RNF20: variants seen among roughly 807,000 people sequenced by gnomAD.
RNF20 encodes E3 ubiquitin-protein ligase BRE1A.
Under a neutral mutation model 126.2 loss-of-function variants are expected in RNF20, and 84 were observed. That is an observed-to-expected ratio of 0.67 (90% CI 0.56 to 0.80). RNF20 has a LOEUF of 0.80. Ranked by LOEUF, RNF20 falls within the 30% of genes least tolerant of loss-of-function variation. RNF20 has a pLI of 0.00. For missense variants in RNF20, 869 were observed against 1,188.2 expected, an observed-to-expected ratio of 0.73 and a Z score of 3.95; for synonymous variants, 400 against 414.3, an observed-to-expected ratio of 0.97 and a Z score of 0.42.
Position 101,561,963 on chromosome 9 carries a change from T to C in RNF20, c.2703T>C (p.Asn901=), listed in dbSNP as rs142593265. Residue 901 remains asparagine (N), a synonymous_variant, in exon 19 of 20, where the codon AAT becomes AAC. Coordinates refer to ENST00000389120, the MANE Select transcript of RNF20 (RefSeq NM_019592.7). ...RKLETTKKPD[N]VPKCDEILME... is the part of the protein sequence containing the mutation. ...TGGAGACCACAAAGAAACCAGACAA[T>C]GTACCCAAGTGTGATGAGATTCTGA... 5.0e-6 allele frequency: 8 copies of C among 1,613,126 alleles called. No individual in the cohort carries two copies. The highest frequency in any genetic ancestry group is 2.7e-5 in the African/African-American group (2 of 74,846).
rs753526531 is a variant in RNF20 at position 101,557,362 on chromosome 9, A to T, written c.2170-22A>T. 12 of 1,576,038 alleles carry T rather than the reference A, an allele frequency of 7.6e-6. No individual in the cohort carries two copies. In the African/African-American group the frequency reaches 1.5e-4, roughly 19 times the overall value. On this transcript the variant is annotated intron_variant, in intron 15 of 19. Transcript: ENST00000389120. Reference sequence around the variant, plus strand: ...AAGTTGGAAGATTCTTCTAAAATCAAATCTCTTCCTTCATCCTTTAGGAAG... The same window carrying T: ...AAGTTGGAAGATTCTTCTAAAATCATATCTCTTCCTTCATCCTTTAGGAAG...
intron 5 of RNF20, among the ~76,000 whole-genome samples, chr9:101,543,374 C>T (rs1228042298): frequency 1.4e-5 from 2 of 142,770 alleles, no homozygotes; most frequent in East Asian, 2.2e-4. Flanking sequence ...CCTGCCAGGG[C>T]GGCACTGTCT....
intron 18 of RNF20, among the ~76,000 whole-genome samples, chr9:101,561,640 A>G (rs1827629771): frequency 6.6e-6 from 1 of 152,194 alleles, no homozygotes; most frequent in African/African-American, 2.4e-5. Context: ...ATAAAACAAA[A>G]TAGACTGTCC....
chr9:101,541,934 G>A (rs868796689), intron 5 of RNF20, among the ~76,000 whole-genome samples: 9 of 152,240 alleles, frequency 5.9e-5, no homozygotes, highest in African/African-American at 2.2e-4. Flanking sequence ...TACATCTTTA[G>A]TCATTTGTGG....
Position 101,540,779 on chromosome 9 carries a change from C to T in RNF20, c.446-14C>T. ...AATTTTGGGGGGCTTCTTTTTTTCC[C>T]CCTGTGTCCTCAGGGGAAGGGCAAG... On this transcript the variant is annotated splice_polypyrimidine_tract_variant and intron_variant, in intron 4 of 19. Transcript: ENST00000389120. 2 of 1,601,474 alleles carry T rather than the reference C, an allele frequency of 1.2e-6. No homozygotes were observed. The highest frequency in any genetic ancestry group is 1.7e-6 in the Non-Finnish European group (2 of 1,176,328).
chr9:101,543,330 A>G (rs2118686438), intron 5 of RNF20, among the ~76,000 whole-genome samples: 1 of 147,596 alleles, frequency 6.8e-6, no homozygotes, highest in Admixed American at 6.7e-5. Flanking sequence ...CCAGGGCGGC[A>G]CTGTCTAACC....
rs753765875 is a variant in RNF20, at chr9:101,546,964, C to A, written c.892C>A (p.Arg298=). 3 of 1,613,996 alleles carry A rather than the reference C, an allele frequency of 1.9e-6. No individual in the cohort carries two copies. The highest frequency in any genetic ancestry group is 2.5e-6 in the Non-Finnish European group (3 of 1,179,962). Reference sequence around the variant, plus strand: ...CCGACACTTAGCAGAAGTCCTAGAACGGGTCAGTGCTGTTTTATGGCTTGG... The same window carrying A: ...CCGACACTTAGCAGAAGTCCTAGAAAGGGTCAGTGCTGTTTTATGGCTTGG... ...LNRHLAEVLE[R]VNSKGYKVYG... The change falls in exon 7 of 20, where the codon CGG becomes AGG. Residue 298 remains arginine, a splice_region_variant and synonymous_variant. Transcript: ENST00000389120.
intron 2 of RNF20, among the ~76,000 whole-genome samples, chr9:101,537,969 G>A (rs750259353): frequency 1.1e-4 from 17 of 152,150 alleles, no homozygotes; most frequent in Admixed American, 2.0e-4. Context: ...AAGGAGTATC[G>A]CTGTAAAGTA....
chr9:101,554,156 G>T, intron 14 of RNF20, 51 bp downstream of exon 14: 2 of 1,054,718 alleles, frequency 1.9e-6, no homozygotes, highest in Non-Finnish European at 2.9e-6. Flanking sequence ...TTCATTTGTG[G>T]GATTTTCCTT....
At chr9:101,545,616 C>A (rs936996597) in intron 6 of RNF20, among the ~76,000 whole-genome samples, 1 of 152,148 alleles carries the variant, frequency 6.6e-6, no homozygotes, top group African/African-American at 2.4e-5. Context: ...GTGTTAAGGT[C>A]CATGCTGGCC....
At chr9:101,545,369 A>C (rs1317535504) in intron 6 of RNF20, among the ~76,000 whole-genome samples, 2 of 152,232 alleles carry the variant, frequency 1.3e-5, no homozygotes, top group Non-Finnish European at 2.9e-5. Context: ...CTGAATTCTT[A>C]TGCTAATTAG....
In RNF20 at chr9:101,561,903, G is replaced by C. The variant is rs1827633780; in HGVS notation, c.2650-7G>C. 2 of 1,597,526 alleles carry C rather than the reference G, an allele frequency of 1.3e-6. No homozygotes were observed. The highest frequency in any genetic ancestry group is 2.7e-5 in the African/African-American group (2 of 74,516). On this transcript the variant is annotated splice_region_variant and splice_polypyrimidine_tract_variant and intron_variant, in intron 18 of 19. Coordinates refer to ENST00000389120, the MANE Select transcript of RNF20 (RefSeq NM_019592.7). ...GTGTGTCTAATGGGTATGCTATCCT[G>C]CCACAGGAGGACATCTCTAGACTTC... is the stretch of plus-strand genomic sequence containing the variant.
chr9:101,557,726 C>A, intron 16 of RNF20, 130 bp downstream of exon 16: 1 of 640,564 alleles, frequency 1.6e-6, no homozygotes, highest in South Asian at 2.0e-5. Context: ...AAATGTTCAT[C>A]ATTAGGGTAT....
chr9:101,552,920 C>T (rs1274219433), intron 13 of RNF20, among the ~76,000 whole-genome samples, 167 bp downstream of exon 13: 1 of 152,260 alleles, frequency 6.6e-6, no homozygotes, highest in East Asian at 1.9e-4. Context: ...AAATGGCTTG[C>T]ATGGCTATTT....
chr9:101,537,814 G>T (rs1277645410), intron 2 of RNF20, among the ~76,000 whole-genome samples: 1 of 152,164 alleles, frequency 6.6e-6, no homozygotes, highest in East Asian at 1.9e-4. Context: ...GGAGGACTGA[G>T]GTGTTATATT....
chr9:101,558,524 C>G (rs1055833415), intron 16 of RNF20, among the ~76,000 whole-genome samples: 1 of 152,174 alleles, frequency 6.6e-6, no homozygotes, highest in Admixed American at 6.5e-5. Flanking sequence ...TTCCCACCAA[C>G]AGTGTAAAAG....
rs1171534363 is a variant in RNF20, at chr9:101,552,480, T to C, written c.1628T>C (p.Leu543Ser). The C allele has an allele frequency of 6.2e-7, 1 of 1,613,936 alleles. No individual in the cohort carries two copies. Among genetic ancestry groups the C allele is most frequent in the Non-Finnish European group, 8.5e-7 (1 of 1,179,858 alleles). The part of the protein sequence containing the change: ...PAELKPDSED[L>S]SSQSSASKAS... Reference sequence around the variant, plus strand: ...GAGCTAAAACCAGATTCTGAGGACTTATCCTCCCAGTCCTCAGCTTCAAAG... The same window carrying C: ...GAGCTAAAACCAGATTCTGAGGACTCATCCTCCCAGTCCTCAGCTTCAAAG... Residue 543 changes from leucine to serine, a missense_variant, in exon 13 of 20, where the codon TTA becomes TCA. By Grantham distance (145) the Leu-to-Ser change is moderately radical. This residue lies in a region of RNF20 where 231 missense variants were observed against 263.6 expected (regional missense o/e 0.88). Transcript: ENST00000389120.
rs1340575503 is a variant in RNF20, at chr9:101,552,642, T to TA, written c.1794dup (p.Glu599ArgfsTer10). On this transcript the variant is annotated frameshift_variant, in exon 13 of 20. Transcript: ENST00000389120. LOFTEE classifies it high-confidence loss of function. The stretch of plus-strand genomic sequence containing the variant: ...GAGAGAGAACGAGAGAAGCAGAAGC[T>TA]AAAAGAGTCAGAAAAAGAGAGAGAT... 25 of 1,526,716 alleles carry TA rather than the reference T, an allele frequency of 1.6e-5. No individual in the cohort carries two copies. The highest frequency in any genetic ancestry group is 2.1e-5 in the Non-Finnish European group (23 of 1,100,560). The allele number at this position is 1,526,716 out of a possible 1,614,324, so 94.6% of individuals were successfully genotyped here. A position where few individuals can be genotyped will look rare whatever the true frequency, so the allele number is the denominator to read the frequency against.
At chr9:101,549,459 C>T (rs149261793) in intron 9 of RNF20, among the ~76,000 whole-genome samples, 3 of 152,104 alleles carry the variant, frequency 2.0e-5, no homozygotes, top group East Asian at 1.9e-4. Context: ...AACATGAAGG[C>T]GGCCTAGGAG....
Sources: allele counts gnomAD v4.1 joint callset (sites outside exome capture counted in the v4.1 genomes callset), GRCh38; gene constraint gnomAD v4.1.1; regional missense constraint gnomAD v4.1.1; transcripts MANE v1.5; gene names NCBI Gene and HGNC (gene_info 2026-07-23, HGNC 2026-07-21).